WWOX: variants seen among roughly 807,000 people sequenced by gnomAD.
WWOX encodes WW domain containing oxidoreductase.
In WWOX, 69 loss-of-function variants were observed where a neutral mutation model predicts 46.2. That is an observed-to-expected ratio of 1.49 (90% CI 1.23 to 1.82). The LOEUF (loss-of-function observed/expected upper bound fraction) is 1.82. Ranked by LOEUF, WWOX falls within the 40% of genes most tolerant of loss-of-function variation. The pLI, the probability that WWOX is intolerant of heterozygous loss-of-function variation, is 0.00. For missense variants in WWOX, 919 were observed against 542.6 expected (o/e 1.69, Z -6.89); for synonymous variants, 359 against 202.6 (o/e 1.77, Z -6.56).
chr16:78,809,438 G>T (rs2051132049), intron 8 of WWOX, among the ~76,000 whole-genome samples: 1 of 151,686 alleles, frequency 6.6e-6, no homozygotes, highest in South Asian at 2.1e-4. Flanking sequence ...TTAATGAGAT[G>T]AAATCACTTC....
chr16:78,825,279 T>G (rs1447922439), intron 8 of WWOX: 2 of 282,928 alleles, frequency 7.1e-6, no homozygotes, highest in Non-Finnish European at 1.4e-5. Flanking sequence ...TGCAGCAGCA[T>G]GATGGCCGCG....
At chr16:79,098,442 A>G (rs8049291) in intron 8 of WWOX, among the ~76,000 whole-genome samples, 1 of 152,184 alleles carries the variant, frequency 6.6e-6, no homozygotes, top group African/African-American at 2.4e-5. Flanking sequence ...CCATGGGCAA[A>G]GGAGTGCATA....
intron 5 of WWOX, among the ~76,000 whole-genome samples, chr16:78,306,846 A>G (rs915642719): frequency 4.6e-5 from 7 of 151,076 alleles, no homozygotes; most frequent in African/African-American, 1.5e-4. Flanking sequence ...CCTTCCCACA[A>G]TCCCCACTGA....
chr16:79,039,326 G>C (rs558574530), intron 8 of WWOX, among the ~76,000 whole-genome samples: 1 of 152,178 alleles, frequency 6.6e-6, no homozygotes, highest in African/African-American at 2.4e-5. Context: ...CAGAAGCCAA[G>C]TCACCTCATC....
At chr16:78,260,448 T>C (rs770183379) in intron 5 of WWOX, among the ~76,000 whole-genome samples, 5 of 151,434 alleles carry the variant, frequency 3.3e-5, no homozygotes, top group Non-Finnish European at 5.9e-5. Context: ...GCAGATCACT[T>C]GAGGCCAGGA....
chr16:78,368,205 A>G (rs2081585683), intron 5 of WWOX, among the ~76,000 whole-genome samples: 1 of 152,206 alleles, frequency 6.6e-6, no homozygotes, highest in Non-Finnish European at 1.5e-5. Flanking sequence ...TTCTGTGAAC[A>G]GAGGTTATGT....
chr16:78,984,518 A>T (rs545742285), intron 8 of WWOX, among the ~76,000 whole-genome samples: 4 of 152,366 alleles, frequency 2.6e-5, no homozygotes, highest in African/African-American at 9.6e-5. Context: ...TTACAAAAAC[A>T]GGCAGCAGGC....
At chr16:79,164,863 A>G (rs1264659372) in intron 8 of WWOX, among the ~76,000 whole-genome samples, 5 of 152,310 alleles carry the variant, frequency 3.3e-5, no homozygotes, top group Admixed American at 1.3e-4. Flanking sequence ...CATAAAACCT[A>G]CAAATACACA....
intron 8 of WWOX, among the ~76,000 whole-genome samples, chr16:78,656,117 T>G (rs181789895): frequency 1.3e-5 from 2 of 152,300 alleles, no homozygotes; most frequent in South Asian, 2.1e-4. Context: ...GAATCAAAAT[T>G]ATTATGTCAA....
intron 8 of WWOX, among the ~76,000 whole-genome samples, chr16:78,880,896 C>T (rs991981659): frequency 3.3e-5 from 5 of 151,444 alleles, no homozygotes; most frequent in African/African-American, 7.3e-5. Context: ...TCAGGTCAGA[C>T]GTAGGTATAA....
At chr16:78,966,654 A>C (rs1159046122) in intron 8 of WWOX, among the ~76,000 whole-genome samples, 1 of 152,140 alleles carries the variant, frequency 6.6e-6, no homozygotes, top group Non-Finnish European at 1.5e-5. Context: ...GCTATTTCTT[A>C]AGATTACATT....
At chr16:79,054,011 C>A (rs1431404348) in intron 8 of WWOX, among the ~76,000 whole-genome samples, 1 of 151,596 alleles carries the variant, frequency 6.6e-6, no homozygotes, top group East Asian at 1.9e-4. Flanking sequence ...AAAATCAGAG[C>A]AGGACATGAA....
At chr16:78,993,202 A>T (rs1357481806) in intron 8 of WWOX, among the ~76,000 whole-genome samples, 3 of 152,104 alleles carry the variant, frequency 2.0e-5, no homozygotes, top group African/African-American at 7.2e-5. Context: ...TTTCTGTGAC[A>T]AAGGGAAATC....
At chr16:78,991,400 C>T (rs1348494063) in intron 8 of WWOX, among the ~76,000 whole-genome samples, 2 of 151,862 alleles carry the variant, frequency 1.3e-5, no homozygotes, top group East Asian at 1.9e-4. Context: ...TTGAGGCCAG[C>T]CTGGTCAACA....
At chr16:79,063,791 C>G (rs1046165729) in intron 8 of WWOX, among the ~76,000 whole-genome samples, 2 of 152,182 alleles carry the variant, frequency 1.3e-5, no homozygotes, top group African/African-American at 4.8e-5. Context: ...ATAGAGCAAA[C>G]ATCCATTTCT....
intron 8 of WWOX, among the ~76,000 whole-genome samples, chr16:78,585,739 C>T (rs762627741): frequency 6.6e-6 from 1 of 150,786 alleles, no homozygotes; most frequent in Non-Finnish European, 1.5e-5. Context: ...GGCTTCTCCA[C>T]AGAGGCCTGG....
chr16:78,914,965 C>T (rs553526425), intron 8 of WWOX, among the ~76,000 whole-genome samples: 1 of 150,544 alleles, frequency 6.6e-6, no homozygotes, highest in African/African-American at 2.4e-5. Context: ...GACAGAGAAT[C>T]AGTTAATTCC....
At chr16:78,996,629 C>G (rs1028942223) in intron 8 of WWOX, among the ~76,000 whole-genome samples, 5 of 152,054 alleles carry the variant, frequency 3.3e-5, no homozygotes, top group Non-Finnish European at 7.4e-5. Flanking sequence ...AAGATTATGT[C>G]CATTCAGGGA....
intron 8 of WWOX, among the ~76,000 whole-genome samples, chr16:79,079,477 T>G (rs1300758280): frequency 1.3e-5 from 2 of 152,228 alleles, no homozygotes; most frequent in Non-Finnish European, 2.9e-5. Flanking sequence ...ACAGTCTTTC[T>G]TCCTAGAGGT....
Sources: allele counts gnomAD v4.1 joint callset (sites outside exome capture counted in the v4.1 genomes callset), GRCh38; gene constraint gnomAD v4.1.1; transcripts MANE v1.5; gene names NCBI Gene and HGNC (gene_info 2026-07-23, HGNC 2026-07-21).